CCSER1: variants seen among roughly 807,000 people sequenced by gnomAD.
CCSER1 encodes the protein serine-rich coiled-coil domain-containing protein 1.
CCSER1 carries 41 observed loss-of-function variants against 82.0 expected under a neutral mutation model. The ratio of observed to expected loss-of-function variants is 0.50; its 90% CI spans 0.39 to 0.65. CCSER1 has a LOEUF of 0.65. Among genes scored for constraint, CCSER1 ranks in the 30% least tolerant of loss-of-function variants. The pLI, the probability that CCSER1 is intolerant of heterozygous loss-of-function variation, is 0.00. For synonymous variants in CCSER1, 414 were observed against 383.9 expected, an observed-to-expected ratio of 1.08 and a Z score of -0.92; for missense variants, 1,119 against 1,064.2, an observed-to-expected ratio of 1.05 and a Z score of -0.72.
intron 4 of CCSER1, among the ~76,000 whole-genome samples, chr4:90,419,995 A>G (rs2153560183): frequency 6.6e-6 from 1 of 152,082 alleles, no homozygotes; most frequent in African/African-American, 2.4e-5. Context: ...CTTAGATATA[A>G]GGATAGCTGT....
In CCSER1 at chr4:91,600,939, G is replaced by A. The variant is rs1764794341; in HGVS notation, c.*1882G>A. 1 of 152,044 alleles carries A rather than the reference G, an allele frequency of 6.6e-6. No individual in the cohort carries two copies. Among genetic ancestry groups the A allele is most frequent in the African/African-American group, 2.4e-5 (1 of 41,412 alleles). The allele number at this position is 152,044 out of a possible 1,614,324, so 9.4% of individuals were successfully genotyped here. On this transcript the variant is annotated 3_prime_UTR_variant, in exon 11 of 11. Coordinates refer to ENST00000509176, the MANE Select transcript of CCSER1 (RefSeq NM_001145065.2). Reference sequence around the variant, plus strand: ...TAATGATCATGCAGATATACACTTTGGGCTGGGCAATATTTAAGAAATGAT... The same window carrying A: ...TAATGATCATGCAGATATACACTTTAGGCTGGGCAATATTTAAGAAATGAT...
At chr4:90,946,078 T>C (rs1221179606) in intron 9 of CCSER1, among the ~76,000 whole-genome samples, 1 of 152,098 alleles carries the variant, frequency 6.6e-6, no homozygotes, top group Admixed American at 6.6e-5. Flanking sequence ...AAACTAAAAT[T>C]TTAATAAGAT....
At chr4:91,291,309 G>C (rs971094849) in intron 10 of CCSER1, among the ~76,000 whole-genome samples, 1 of 151,890 alleles carries the variant, frequency 6.6e-6, no homozygotes, top group Non-Finnish European at 1.5e-5. Context: ...GATTTTGAGG[G>C]TAAATTTAAT....
intron 8 of CCSER1, among the ~76,000 whole-genome samples, chr4:90,819,822 A>T (rs1250799272): frequency 6.6e-6 from 1 of 152,210 alleles, no homozygotes; most frequent in East Asian, 1.9e-4. Context: ...TACTGTTTTC[A>T]ACAGATCGAG....
intron 10 of CCSER1, among the ~76,000 whole-genome samples, chr4:91,214,610 A>C (rs2149089874): frequency 6.6e-6 from 1 of 152,280 alleles, no homozygotes; most frequent in Non-Finnish European, 1.5e-5. Flanking sequence ...TCATGTTGAA[A>C]CAACTCTGGT....
chr4:91,359,634 A>T (rs541599073), intron 10 of CCSER1, among the ~76,000 whole-genome samples: 18 of 152,024 alleles, frequency 1.2e-4, no homozygotes, highest in African/African-American at 4.3e-4. Flanking sequence ...CAGATCTCAT[A>T]ATTTGGTTGA....
intron 10 of CCSER1, among the ~76,000 whole-genome samples, chr4:91,225,211 T>C (rs958140609): frequency 2.1e-5 from 3 of 142,546 alleles, no homozygotes; most frequent in Admixed American, 7.3e-5. Flanking sequence ...ATATATAATA[T>C]ATAATTGTAT....
At chr4:90,745,023 G>A (rs1225137535) in intron 7 of CCSER1, among the ~76,000 whole-genome samples, 1 of 151,822 alleles carries the variant, frequency 6.6e-6, no homozygotes, top group Non-Finnish European at 1.5e-5. Context: ...TATTGCTGCT[G>A]TAACAAATGA....
intron 9 of CCSER1, among the ~76,000 whole-genome samples, chr4:90,963,616 A>G (rs1734254552): frequency 6.6e-6 from 1 of 152,038 alleles, no homozygotes; most frequent in South Asian, 2.1e-4. Context: ...AGAAAAGGCC[A>G]TTTGAGGGCA....
intron 4 of CCSER1, among the ~76,000 whole-genome samples, chr4:90,412,258 T>C (rs1284195764): frequency 7.4e-6 from 1 of 134,712 alleles, no homozygotes; most frequent in Admixed American, 8.8e-5. Context: ...AGGTGGGAAC[T>C]GAACAATGAG....
chr4:90,999,972 AG>A (rs1345573794), intron 9 of CCSER1, among the ~76,000 whole-genome samples: 1 of 151,356 alleles, frequency 6.6e-6, no homozygotes, highest in Non-Finnish European at 1.5e-5. Flanking sequence ...GTATGGTGAA[AG>A]GAAAGGGTCC....
At chr4:91,196,413 ACAC>A (rs1479996212) in intron 10 of CCSER1, among the ~76,000 whole-genome samples, 3 of 152,224 alleles carry the variant, frequency 2.0e-5, no homozygotes, top group South Asian at 2.1e-4. Context: ...ACAAAACAGA[ACAC>A]CACAAGAGTC....
chr4:90,902,097 T>G (rs913507325), intron 8 of CCSER1, among the ~76,000 whole-genome samples: 1 of 151,918 alleles, frequency 6.6e-6, no homozygotes, highest in Non-Finnish European at 1.5e-5. Flanking sequence ...AATTGTATTT[T>G]GAAATTCCTT....
chr4:91,115,861 T>TATA (rs757901995), intron 10 of CCSER1, among the ~76,000 whole-genome samples: 15,762 of 133,386 alleles, frequency 0.12, 1,066 homozygotes, highest in African/African-American at 0.16. Context: ...ATATATATAT[T>TATA]TTTTTTTATT....
At chr4:90,761,557 A>C (rs1189048138) in intron 7 of CCSER1, among the ~76,000 whole-genome samples, 2 of 152,208 alleles carry the variant, frequency 1.3e-5, no homozygotes, top group African/African-American at 4.8e-5. Context: ...TTATTCAACT[A>C]TCCATATGCC....
At chr4:90,770,802 C>T (rs1243424278) in intron 7 of CCSER1, among the ~76,000 whole-genome samples, 1 of 152,076 alleles carries the variant, frequency 6.6e-6, no homozygotes, top group Non-Finnish European at 1.5e-5. Flanking sequence ...CAACCACATG[C>T]AAATAACTAA....
intron 10 of CCSER1, among the ~76,000 whole-genome samples, chr4:91,218,438 A>G (rs1176256744): frequency 1.3e-5 from 2 of 152,164 alleles, no homozygotes; most frequent in African/African-American, 4.8e-5. Context: ...GGGGCACTGA[A>G]GGGCTCCTCA....
intron 5 of CCSER1, among the ~76,000 whole-genome samples, chr4:90,588,936 G>T (rs1782354994): frequency 6.6e-6 from 1 of 152,112 alleles, no homozygotes; most frequent in South Asian, 2.1e-4. Flanking sequence ...TTTATCAGCA[G>T]CATGAGAATG....
chr4:91,309,515 C>G lies in CCSER1; in HGVS notation c.2217+223521C>G, dbSNP rs192179036. On this transcript the variant is annotated intron_variant, in intron 10 of 10. Coordinates refer to ENST00000509176, the MANE Select transcript of CCSER1 (RefSeq NM_001145065.2). ...AAACCCTTATCAAAATTTAATGACC[C>G]TAAAGGTGGTTATCGATTTTCCTTT... is the stretch of plus-strand genomic sequence containing the variant. 2.0e-5 allele frequency among the ~76,000 whole-genome samples: 3 copies of G among 152,090 alleles called. No individual in the cohort carries two copies. The East Asian group carries it at 5.8e-4, about 30-fold the overall frequency.
Sources: gnomAD v4.1 joint callset for allele counts (sites outside exome capture counted in the v4.1 genomes callset) on GRCh38, gnomAD v4.1.1 for gene constraint, MANE v1.5 for transcripts, NCBI Gene and HGNC (gene_info 2026-07-23, HGNC 2026-07-21) for gene names.